The following RNF24 variants were observed in gnomAD, a reference collection of about 807,000 sequenced individuals.
The protein encoded by RNF24 is ring finger protein 24.
A neutral mutation model predicts 20.0 loss-of-function variants in RNF24; 14 were observed. The observed-to-expected ratio is 0.70, with a 90% CI of 0.46 to 1.10. The LOEUF (loss-of-function observed/expected upper bound fraction) is 1.10. RNF24 is among the 50% of genes least tolerant of loss of function. The pLI is 0.00. For synonymous variants in RNF24, 45 were observed against 61.1 expected, an observed-to-expected ratio of 0.74 and a Z score of 1.23; for missense variants, 124 against 177.6, an observed-to-expected ratio of 0.70 and a Z score of 1.71.
At chr20:3,948,443 C>T (rs890026002) in intron 2 of RNF24, among the ~76,000 whole-genome samples, 164 bp from the exon 3 acceptor site, 4 of 152,066 alleles carry the variant, frequency 2.6e-5, no homozygotes, top group African/African-American at 7.2e-5. Flanking sequence ...TATCTCTTAA[C>T]ATGCTATGTG....
At chr20:4,004,491 C>T (rs1568668706) in intron 1 of RNF24, among the ~76,000 whole-genome samples, 2 of 151,540 alleles carry the variant, frequency 1.3e-5, no homozygotes, top group Admixed American at 6.6e-5. Context: ...TTATTTGAAC[C>T]GACTTTATTT....
intron 1 of RNF24, among the ~76,000 whole-genome samples, chr20:3,966,121 G>A (rs1161357963): frequency 6.0e-5 from 7 of 116,594 alleles, no homozygotes; most frequent in South Asian, 5.7e-4. Context: ...GTGACAGAGC[G>A]AGATTCCATC....
intron 1 of RNF24, among the ~76,000 whole-genome samples, chr20:3,968,253 G>C (rs1446351153): frequency 6.6e-6 from 1 of 151,666 alleles, no homozygotes; most frequent in Non-Finnish European, 1.5e-5. Flanking sequence ...AGTGAGCTGA[G>C]ATCGCACCAT....
chr20:3,986,032 C>A lies in RNF24; in HGVS notation c.-7-22008G>T, dbSNP rs551233776. On this transcript the variant is annotated intron_variant, in intron 1 of 5. Transcript: ENST00000358395. ...CTTCCCAAAGTGCTGGGATTACAAG[C>A]GTGAGCCACCATGCCTGGCCATTTT... is the stretch of plus-strand genomic sequence containing the variant. Among the ~76,000 whole-genome samples, 26 of 152,124 alleles carry A rather than the reference C, an allele frequency of 1.7e-4. No individual in the cohort carries two copies. The East Asian group carries it at 5.0e-3, about 29-fold the overall frequency.
chr20:3,985,195 T>C (rs1397470666), intron 1 of RNF24, among the ~76,000 whole-genome samples: 1 of 152,220 alleles, frequency 6.6e-6, no homozygotes, highest in African/African-American at 2.4e-5. Flanking sequence ...TCAAAGGATG[T>C]TGTAATTTTA....
intron 1 of RNF24, among the ~76,000 whole-genome samples, chr20:3,977,985 G>T (rs1041695255): frequency 4.0e-5 from 6 of 151,860 alleles, no homozygotes; most frequent in Non-Finnish European, 8.8e-5. Context: ...TAGACACAAA[G>T]AATAAGTTCT....
At chr20:3,952,775 A>C (rs1223842779) in intron 2 of RNF24, among the ~76,000 whole-genome samples, 1 of 152,138 alleles carries the variant, frequency 6.6e-6, no homozygotes, top group Non-Finnish European at 1.5e-5. Flanking sequence ...ATAGGTATTA[A>C]ATTTTATCAA....
intron 1 of RNF24, among the ~76,000 whole-genome samples, chr20:3,973,524 A>G (rs1045555804): frequency 7.3e-6 from 1 of 137,032 alleles, no homozygotes. Context: ...AAAAAAAAAA[A>G]AGAGAAGACA....
chr20:3,978,162 T>C (rs1979051872), intron 1 of RNF24, among the ~76,000 whole-genome samples: 2 of 151,020 alleles, frequency 1.3e-5, no homozygotes, highest in African/African-American at 2.4e-5. Flanking sequence ...CTCAGCATCC[T>C]GAGTAGCTGG....
chr20:3,971,662 T>C (rs1978368277), intron 1 of RNF24, among the ~76,000 whole-genome samples: 1 of 152,126 alleles, frequency 6.6e-6, no homozygotes, highest in Non-Finnish European at 1.5e-5. Context: ...GTAGACTGCA[T>C]ATATAATACA....
intron 2 of RNF24, among the ~76,000 whole-genome samples, chr20:3,955,607 T>C (rs1341548850): frequency 6.6e-6 from 1 of 152,200 alleles, no homozygotes; most frequent in Non-Finnish European, 1.5e-5. Context: ...GCTTTGGCTA[T>C]TTGGGGCCCC....
intron 1 of RNF24, among the ~76,000 whole-genome samples, chr20:3,988,920 A>G (rs1433378758): frequency 6.6e-6 from 1 of 152,234 alleles, no homozygotes; most frequent in Non-Finnish European, 1.5e-5. Context: ...TATTAAAAGA[A>G]CAAAAAGAAT....
intron 1 of RNF24, among the ~76,000 whole-genome samples, chr20:3,990,221 CCTTT>C (rs1426737495): frequency 6.6e-6 from 1 of 151,942 alleles, no homozygotes; most frequent in East Asian, 1.9e-4. Flanking sequence ...ATGGGGAAGG[CCTTT>C]CTAAGTAAAA....
intron 1 of RNF24, among the ~76,000 whole-genome samples, chr20:3,967,673 A>G (rs2091271959): frequency 6.6e-6 from 1 of 152,154 alleles, no homozygotes; most frequent in African/African-American, 2.4e-5. Flanking sequence ...TCATCTTCCC[A>G]GGAGTCAATA....
intron 1 of RNF24, among the ~76,000 whole-genome samples, chr20:3,971,570 A>T (rs1355195034): frequency 6.6e-6 from 1 of 152,218 alleles, no homozygotes; most frequent in East Asian, 1.9e-4. Flanking sequence ...GAAATATTTA[A>T]GATGAGCATA....
chr20:4,001,863 G>C (rs1443889681), intron 1 of RNF24, among the ~76,000 whole-genome samples: 4 of 152,098 alleles, frequency 2.6e-5, no homozygotes, highest in African/African-American at 9.7e-5. Flanking sequence ...TGGAGAGATT[G>C]CTTGAGCCTG....
chr20:3,966,510 G>GTGTGTGT (rs1293139606), intron 1 of RNF24, among the ~76,000 whole-genome samples: 3 of 150,732 alleles, frequency 2.0e-5, no homozygotes, highest in Non-Finnish European at 3.0e-5. Context: ...GTGTGTGTTT[G>GTGTGTGT]GGGAAAGGGA....
chr20:3,935,126 G>T lies in RNF24; in HGVS notation c.229-53C>A. ...AAGTGTCTGTTAAGTACCCTCCCAG[G>T]TACAAAGTAGAGTGCAGGCTCCTAA... On this transcript the variant is annotated intron_variant, in intron 4 of 5. Coordinates refer to ENST00000358395, the MANE Select transcript of RNF24 (RefSeq NM_001134337.3). 5 of 1,498,578 alleles carry T rather than the reference G, an allele frequency of 3.3e-6. No homozygotes were observed. In the South Asian group the frequency reaches 5.7e-5, roughly 17 times the overall value. 92.8% of individuals were successfully genotyped at this position (1,498,578 alleles called of 1,614,324 possible).
chr20:4,014,592 TTACAGTG>T (rs1257321920), intron 1 of RNF24, among the ~76,000 whole-genome samples: 1 of 152,196 alleles, frequency 6.6e-6, no homozygotes, highest in African/African-American at 2.4e-5. Context: ...CCCACTGGTT[TTACAGTG>T]AGAAAAAACT....
Sources: allele counts gnomAD v4.1 joint callset (sites outside exome capture counted in the v4.1 genomes callset), GRCh38; gene constraint gnomAD v4.1.1; transcripts MANE v1.5; gene names NCBI Gene and HGNC (gene_info 2026-07-23, HGNC 2026-07-21).